The following DDX19A variants were observed in gnomAD, a reference collection of about 807,000 sequenced individuals.
DDX19A encodes ATP-dependent RNA helicase DDX19A.
Under a neutral mutation model 60.6 loss-of-function variants are expected in DDX19A, and 12 were observed. That is an observed-to-expected ratio of 0.20 (90% CI 0.13 to 0.32). The LOEUF is 0.32. DDX19A is among the 10% of genes least tolerant of loss of function. The pLI, the probability that DDX19A is intolerant of heterozygous loss-of-function variation, is 1.00. For missense variants in DDX19A, 337 were observed against 600.6 expected, an observed-to-expected ratio of 0.56 and a Z score of 4.59; for synonymous variants, 206 against 218.2, an observed-to-expected ratio of 0.94 and a Z score of 0.49.
intron 1 of DDX19A, among the ~76,000 whole-genome samples, chr16:70,347,630 T>G (rs1457748029): frequency 6.6e-6 from 1 of 152,262 alleles, no homozygotes; most frequent in East Asian, 1.9e-4. Context: ...CTTTCTGTTC[T>G]TATATCTAAG....
At chr16:70,361,654 C>A (rs1964367052) in intron 5 of DDX19A, 144 bp downstream of exon 5, 2 of 609,666 alleles carry the variant, frequency 3.3e-6, no homozygotes, top group Non-Finnish European at 5.7e-6. Flanking sequence ...CAGAGAGAAT[C>A]GGATGGAGTT....
chr16:70,371,356 A>G lies in DDX19A; in HGVS notation c.1184-16A>G. ...CTGTCCTTAGTCCTCTCAGCCTCCA[A>G]CTCTCCTTCCTGCAGGCATTGATGT... On this transcript the variant is annotated splice_polypyrimidine_tract_variant and intron_variant, in intron 10 of 11. Transcript: ENST00000302243. The G allele has an allele frequency of 1.2e-6, 2 of 1,612,550 alleles. No homozygotes were observed. Among genetic ancestry groups the G allele is most frequent in the East Asian group, 4.5e-5 (2 of 44,818 alleles).
intron 3 of DDX19A, 56 bp downstream of exon 3, chr16:70,355,591 C>T (rs1964161814): frequency 6.9e-7 from 1 of 1,445,592 alleles, no homozygotes; most frequent in Admixed American, 1.7e-5. Flanking sequence ...GCTTGCCTTC[C>T]TGGAGCCAGG....
chr16:70,353,706 G>C (rs1026634149), intron 2 of DDX19A, among the ~76,000 whole-genome samples: 1 of 151,750 alleles, frequency 6.6e-6, no homozygotes, highest in African/African-American at 2.4e-5. Context: ...TTTGAGACCA[G>C]CCTGGCCAAT....
intron 5 of DDX19A, chr16:70,363,155 T>G (rs1168208672): frequency 6.6e-6 from 1 of 151,768 alleles, no homozygotes; most frequent in African/African-American, 2.4e-5. Flanking sequence ...CCTGGCATAT[T>G]TATCATTTTT....
At chr16:70,364,973 C>A (rs755954098) in intron 6 of DDX19A, 44 bp from the exon 7 acceptor site, 5 of 1,533,162 alleles carry the variant, frequency 3.3e-6, no homozygotes, top group East Asian at 2.2e-5. Context: ...AGGTCTGTTA[C>A]CAAATGGCTC....
intron 2 of DDX19A, among the ~76,000 whole-genome samples, chr16:70,351,217 T>G (rs1964006814): frequency 1.3e-5 from 2 of 151,184 alleles, no homozygotes; most frequent in Non-Finnish European, 2.9e-5. Context: ...TTTTTAAAAT[T>G]TTATTTGAGA....
intron 1 of DDX19A, among the ~76,000 whole-genome samples, chr16:70,350,305 G>A (rs1963971921): frequency 2.0e-5 from 3 of 152,152 alleles, no homozygotes; most frequent in Non-Finnish European, 2.9e-5. Flanking sequence ...AGAGGTTGAG[G>A]TTTTCTGAAA....
intron 6 of DDX19A, 130 bp downstream of exon 6, chr16:70,364,775 C>T: frequency 4.1e-6 from 3 of 739,116 alleles, no homozygotes; most frequent in Non-Finnish European, 4.6e-6. Context: ...CAAGTTCCTA[C>T]ACCAGGCCCT....
In DDX19A at chr16:70,350,648, G is replaced by A. The variant is rs112515756; in HGVS notation, c.106+43G>A. On this transcript the variant is annotated intron_variant, in intron 2 of 11. Coordinates refer to ENST00000302243, the MANE Select transcript of DDX19A (RefSeq NM_018332.5). ...ACAAGCTAGAAAAGAGTTCCATGTG[G>A]GCCGCTGCTTTGCACTCATAGCTGC... The A allele has an allele frequency of 3.3e-4, 487 of 1,487,848 alleles. 3 individuals carry two copies. In the African/African-American group the frequency reaches 6.0e-3, roughly 18 times the overall value. The allele number at this position is 1,487,848 out of a possible 1,614,324, so 92.2% of individuals were successfully genotyped here.
Position 70,372,583 on chromosome 16 carries a change from C to T in DDX19A, c.*597C>T, listed in dbSNP as rs2047293065. On this transcript the variant is annotated 3_prime_UTR_variant, in exon 12 of 12. Transcript: ENST00000302243. ...CTGCAGAAAGCAGACTTGCATATCC[C>T]TGATGAGCAGCTCGGCTACTTTTGT... is the stretch of plus-strand genomic sequence containing the variant. 1 of 155,178 alleles carries T rather than the reference C, an allele frequency of 6.4e-6. No individual in the cohort carries two copies. Among genetic ancestry groups the T allele is most frequent in the Non-Finnish European group, 1.4e-5 (1 of 70,188 alleles). The allele number at this position is 155,178 out of a possible 1,614,324, so 9.6% of individuals were successfully genotyped here. A position where few individuals can be genotyped will look rare whatever the true frequency, so the allele number is the denominator to read the frequency against.
rs1000967523 is a variant in DDX19A at position 70,372,178 on chromosome 16, T to A, written c.*192T>A. 5 of 951,288 alleles carry A rather than the reference T, an allele frequency of 5.3e-6. No homozygotes were observed. In the East Asian group the frequency reaches 7.7e-5, roughly 15 times the overall value. 58.9% of individuals were successfully genotyped at this position (951,288 alleles called of 1,614,324 possible). On this transcript the variant is annotated 3_prime_UTR_variant, in exon 12 of 12. Coordinates refer to ENST00000302243, the MANE Select transcript of DDX19A (RefSeq NM_018332.5). Reference sequence around the variant, plus strand: ...TGATGGGGGGCAATAGAAGAAAAAATTTGCATTTTGGAAAATTGGGTCCTT... The same window carrying A: ...TGATGGGGGGCAATAGAAGAAAAAAATTGCATTTTGGAAAATTGGGTCCTT...
In DDX19A at chr16:70,357,366, G is replaced by GTTTTTTTTTTTTTTTTTTTTTTTTTTTT. The variant is rs71151183; in HGVS notation, c.293+1128_293+1155dup. On this transcript the variant is annotated intron_variant, in intron 4 of 11. Transcript: ENST00000302243. ...AATCTGTCAAATCTGTTTTTGGTTT[G>GTTTTTTTTTTTTTTTTTTTTTTTTTTTT]TTTTTTTTTTTTTTTTTTTTTTTTT... is the stretch of plus-strand genomic sequence containing the variant. 1.3e-4 allele frequency among the ~76,000 whole-genome samples: 6 copies of GTTTTTTTTTTTTTTTTTTTTTTTTTTTT among 44,580 alleles called. 3 individuals are homozygous for GTTTTTTTTTTTTTTTTTTTTTTTTTTTT. The highest frequency in any genetic ancestry group is 1.8e-4 in the African/African-American group (2 of 11,256). The allele number at this position is 44,580 out of a possible 152,430, so 29.2% of individuals were successfully genotyped here. A position where few individuals can be genotyped will look rare whatever the true frequency, so the allele number is the denominator to read the frequency against.
At position 70,350,431 on chromosome 16, in the gene DDX19A, C is replaced by T. The variant is rs555271522; in HGVS notation, c.58-126C>T. On this transcript the variant is annotated intron_variant, in intron 1 of 11. Transcript: ENST00000302243. ...AGCAACTCTACTTTGAGGGAACAAA[C>T]CGACTCCCTGAATACTGGTGCTGAA... is the stretch of plus-strand genomic sequence containing the variant. The T allele has an allele frequency of 3.4e-5, 20 of 585,416 alleles. No homozygotes were observed. In the East Asian group the frequency reaches 5.5e-4, roughly 16 times the overall value. 36.3% of individuals were successfully genotyped at this position (585,416 alleles called of 1,614,324 possible). A position where few individuals can be genotyped will look rare whatever the true frequency, so the allele number is the denominator to read the frequency against.
chr16:70,358,072 C>T (rs1009437318), intron 4 of DDX19A, among the ~76,000 whole-genome samples: 9 of 151,838 alleles, frequency 5.9e-5, no homozygotes, highest in Non-Finnish European at 1.2e-4. Flanking sequence ...ACTCTGTTGC[C>T]CAGGCTGGAG....
intron 4 of DDX19A, among the ~76,000 whole-genome samples, chr16:70,360,210 G>A (rs562902198): frequency 9.2e-5 from 14 of 151,972 alleles, no homozygotes; most frequent in East Asian, 1.9e-4. Context: ...GAACCCAGGA[G>A]GCAGAGGTTG....
chr16:70,365,333 A>T (rs1197731509), intron 7 of DDX19A: 5 of 229,238 alleles, frequency 2.2e-5, no homozygotes, highest in South Asian at 8.4e-5. Flanking sequence ...TCGGTTGATT[A>T]AAAAAAAAAA....
intron 4 of DDX19A, among the ~76,000 whole-genome samples, chr16:70,357,253 T>A (rs1964224250): frequency 2.8e-5 from 3 of 105,582 alleles, no homozygotes; most frequent in South Asian, 2.8e-4. Flanking sequence ...AGCGAGACTC[T>A]CTCTCAAAAA....
intron 5 of DDX19A, among the ~76,000 whole-genome samples, chr16:70,362,013 C>CAAA (rs1423444682): frequency 6.7e-6 from 1 of 149,638 alleles, no homozygotes; most frequent in Non-Finnish European, 1.5e-5. Context: ...TTACTAAAAT[C>CAAA]AAAAAAAAAA....
Sources: gnomAD v4.1 joint callset for allele counts (sites outside exome capture counted in the v4.1 genomes callset) on GRCh38, gnomAD v4.1.1 for gene constraint, MANE v1.5 for transcripts, NCBI Gene and HGNC (gene_info 2026-07-23, HGNC 2026-07-21) for gene names.